The following GRIK2 variants were observed in gnomAD, a reference collection of about 807,000 sequenced individuals.
GRIK2 encodes glutamate receptor ionotropic, kainate 2.
A neutral mutation model predicts 100.3 loss-of-function variants in GRIK2; 32 were observed. The observed-to-expected ratio is 0.32, with a 90% CI of 0.24 to 0.43. GRIK2 has a LOEUF of 0.43. Ranked by LOEUF, GRIK2 falls within the 20% of genes least tolerant of loss-of-function variation. The probability of loss-of-function intolerance (pLI) is 1.00; values close to 1 mark genes in which losing one functional copy is unlikely to be tolerated. For missense variants in GRIK2, 843 were observed against 1,114.9 expected (o/e 0.76, Z 3.47); for synonymous variants, 417 against 389.4 (o/e 1.07, Z -0.83).
chr6:101,408,037 C>T (rs1775681299), intron 2 of GRIK2, among the ~76,000 whole-genome samples: 1 of 152,056 alleles, frequency 6.6e-6, no homozygotes, highest in Non-Finnish European at 1.5e-5. Context: ...TGGGCTAGCA[C>T]TGAAGGGGCA....
intron 7 of GRIK2, among the ~76,000 whole-genome samples, chr6:101,795,562 G>A (rs1780241817): frequency 6.6e-6 from 1 of 152,208 alleles, no homozygotes. Flanking sequence ...CATGTGTGTG[G>A]TGAATTCCTG....
At chr6:101,791,118 C>A (rs1432738742) in intron 7 of GRIK2, among the ~76,000 whole-genome samples, 1 of 152,100 alleles carries the variant, frequency 6.6e-6, no homozygotes, top group Non-Finnish European at 1.5e-5. Flanking sequence ...ATTAGTCTTG[C>A]TAGCAGTCTA....
intron 2 of GRIK2, among the ~76,000 whole-genome samples, chr6:101,559,280 T>G (rs1776887797): frequency 6.6e-6 from 1 of 152,124 alleles, no homozygotes; most frequent in African/African-American, 2.4e-5. Flanking sequence ...TCTAAGTTAT[T>G]TTTTCAAAAT....
chr6:102,066,930 A>G (rs1375875138), intron 16 of GRIK2, among the ~76,000 whole-genome samples: 7 of 151,676 alleles, frequency 4.6e-5, no homozygotes, highest in Non-Finnish European at 1.0e-4. Context: ...CCAGAGATTG[A>G]CAGGAAGGTA....
At chr6:101,470,068 C>T (rs1055064702) in intron 2 of GRIK2, among the ~76,000 whole-genome samples, 1 of 152,144 alleles carries the variant, frequency 6.6e-6, no homozygotes, top group African/African-American at 2.4e-5. Context: ...TGGGGCCTTC[C>T]TATTGGACAG....
At chr6:101,857,673 T>C (rs966372715) in intron 10 of GRIK2, among the ~76,000 whole-genome samples, 1 of 152,210 alleles carries the variant, frequency 6.6e-6, no homozygotes, top group Non-Finnish European at 1.5e-5. Context: ...CATAAGCAAA[T>C]AGTGAATAGC....
chr6:101,433,425 T>C (rs1418331467), intron 2 of GRIK2, among the ~76,000 whole-genome samples: 3 of 152,170 alleles, frequency 2.0e-5, no homozygotes. Context: ...AAAATGAGGA[T>C]AATATTAGCA....
At chr6:101,895,315 T>C (rs1445912720) in intron 12 of GRIK2, among the ~76,000 whole-genome samples, 3 of 151,728 alleles carry the variant, frequency 2.0e-5, no homozygotes, top group Non-Finnish European at 3.0e-5. Context: ...TTATCTATCA[T>C]ATTAGTGGGT....
At chr6:101,604,624 C>T (rs1320777141) in intron 2 of GRIK2, among the ~76,000 whole-genome samples, 3 of 151,740 alleles carry the variant, frequency 2.0e-5, no homozygotes, top group East Asian at 3.9e-4. Context: ...GTTTCAGAGC[C>T]GAGGATGATA....
chr6:101,406,201 TA>T (rs1775586088), intron 2 of GRIK2, among the ~76,000 whole-genome samples: 1 of 152,184 alleles, frequency 6.6e-6, no homozygotes, highest in Non-Finnish European at 1.5e-5. Flanking sequence ...GAAAAGACTC[TA>T]AAAACTTTTC....
intron 2 of GRIK2, among the ~76,000 whole-genome samples, chr6:101,443,524 C>A (rs1044697460): frequency 6.6e-6 from 1 of 152,062 alleles, no homozygotes; most frequent in African/African-American, 2.4e-5. Context: ...TCAAGGAATT[C>A]AATTTTGTTC....
intron 14 of GRIK2, among the ~76,000 whole-genome samples, chr6:101,976,503 C>T (rs1484793086): frequency 2.6e-5 from 4 of 151,848 alleles, no homozygotes; most frequent in African/African-American, 9.7e-5. Context: ...TCGAGACCAG[C>T]TGGGCAACAT....
intron 14 of GRIK2, among the ~76,000 whole-genome samples, chr6:101,967,865 T>C (rs936851299): frequency 6.6e-6 from 1 of 152,028 alleles, no homozygotes; most frequent in Non-Finnish European, 1.5e-5. Context: ...TAATGGGGGA[T>C]AATTTATGCA....
At chr6:101,960,712 T>A (rs1272882441) in intron 14 of GRIK2, among the ~76,000 whole-genome samples, 1 of 152,168 alleles carries the variant, frequency 6.6e-6, no homozygotes, top group Non-Finnish European at 1.5e-5. Flanking sequence ...TAACACCTTC[T>A]GTGGGACTGA....
chr6:101,416,360 C>T (rs1042387205), intron 2 of GRIK2, among the ~76,000 whole-genome samples: 1 of 152,206 alleles, frequency 6.6e-6, no homozygotes, highest in African/African-American at 2.4e-5. Context: ...GGAGTGTGGC[C>T]TGCCTCTCCC....
intron 2 of GRIK2, among the ~76,000 whole-genome samples, chr6:101,426,371 T>C (rs1266300813): frequency 6.6e-6 from 1 of 152,158 alleles, no homozygotes; most frequent in Non-Finnish European, 1.5e-5. Context: ...AAACATACTA[T>C]AAATTCTTAA....
At chr6:101,460,599 C>A (rs1391192267) in intron 2 of GRIK2, among the ~76,000 whole-genome samples, 1 of 152,162 alleles carries the variant, frequency 6.6e-6, no homozygotes, top group Non-Finnish European at 1.5e-5. Context: ...CACATTAACA[C>A]TTTGGCTTAT....
intron 2 of GRIK2, among the ~76,000 whole-genome samples, chr6:101,535,374 A>T (rs528916314): frequency 6.6e-6 from 1 of 151,896 alleles, no homozygotes; most frequent in African/African-American, 2.4e-5. Context: ...GTACCACATG[A>T]AAATGAAAAT....
intron 14 of GRIK2, among the ~76,000 whole-genome samples, chr6:101,970,528 A>C (rs1384948135): frequency 6.6e-6 from 1 of 151,986 alleles, no homozygotes; most frequent in Non-Finnish European, 1.5e-5. Context: ...ATGGTGGATT[A>C]TGCAGACATT....
Sources: allele counts gnomAD v4.1 joint callset (sites outside exome capture counted in the v4.1 genomes callset), GRCh38; gene constraint gnomAD v4.1.1; transcripts MANE v1.5; gene names NCBI Gene and HGNC (gene_info 2026-07-23, HGNC 2026-07-21).